PCDH7: variants seen among roughly 807,000 people sequenced by gnomAD.
PCDH7 encodes protocadherin 7.
A neutral mutation model predicts 58.9 loss-of-function variants in PCDH7; 17 were observed. The observed-to-expected ratio is 0.29, with a 90% CI of 0.20 to 0.43. The LOEUF is 0.43. Among genes scored for constraint, PCDH7 ranks in the 20% least tolerant of loss-of-function variants. PCDH7 has a pLI of 1.00. For missense variants in PCDH7, 1,274 were observed against 1,441.0 expected (o/e 0.88, Z 1.88); for synonymous variants, 664 against 616.4 (o/e 1.08, Z -1.14).
intron 1 of PCDH7, among the ~76,000 whole-genome samples, chr4:30,834,802 C>A (rs564346500): frequency 1.3e-5 from 2 of 151,854 alleles, no homozygotes; most frequent in African/African-American, 4.8e-5. Context: ...TAGATTTATA[C>A]AGCAAAATTT....
At chr4:30,908,719 G>A (rs1420596774) in intron 1 of PCDH7, among the ~76,000 whole-genome samples, 1 of 152,002 alleles carries the variant, frequency 6.6e-6, no homozygotes, top group Non-Finnish European at 1.5e-5. Context: ...AGAGGAGCTG[G>A]TACCATTTCT....
At chr4:31,039,581 C>T (rs1330813742) in intron 3 of PCDH7, among the ~76,000 whole-genome samples, 4 of 152,120 alleles carry the variant, frequency 2.6e-5, no homozygotes, top group African/African-American at 9.7e-5. Flanking sequence ...TATAGTCTTG[C>T]TGCCTCTTCT....
chr4:31,116,197 T>A (rs1172201565), intron 3 of PCDH7, among the ~76,000 whole-genome samples: 1 of 152,170 alleles, frequency 6.6e-6, no homozygotes, highest in African/African-American at 2.4e-5. Context: ...CATCTCTCAG[T>A]CTTTGTTGAG....
intron 3 of PCDH7, among the ~76,000 whole-genome samples, chr4:31,106,246 G>T (rs150711551): frequency 0.014 from 2,077 of 152,184 alleles, 18 homozygotes; most frequent in Admixed American, 0.019. Flanking sequence ...TTGTGTCTGT[G>T]CTAGGAAGAG....
At chr4:30,863,127 A>C (rs1734427142) in intron 1 of PCDH7, among the ~76,000 whole-genome samples, 1 of 152,128 alleles carries the variant, frequency 6.6e-6, no homozygotes, top group Non-Finnish European at 1.5e-5. Flanking sequence ...AGTACCACTA[A>C]GGGAAATTGG....
At chr4:30,910,821 G>C (rs1193231301) in intron 1 of PCDH7, among the ~76,000 whole-genome samples, 1 of 152,056 alleles carries the variant, frequency 6.6e-6, no homozygotes. Context: ...TATACCCAAA[G>C]GATTATAAAT....
intron 1 of PCDH7, among the ~76,000 whole-genome samples, chr4:30,906,725 A>C (rs1315975010): frequency 6.6e-6 from 1 of 152,176 alleles, no homozygotes; most frequent in African/African-American, 2.4e-5. Flanking sequence ...AAGGAATTAA[A>C]AATAAGTAGA....
chr4:31,066,318 G>A (rs190307846), intron 3 of PCDH7, among the ~76,000 whole-genome samples: 154 of 151,902 alleles, frequency 1.0e-3, no homozygotes, highest in Non-Finnish European at 1.6e-3. Flanking sequence ...TGTAATATGA[G>A]GAGTCTTATA....
chr4:30,885,779 G>C (rs1292866371), intron 1 of PCDH7, among the ~76,000 whole-genome samples: 2 of 152,020 alleles, frequency 1.3e-5, no homozygotes, highest in Non-Finnish European at 2.9e-5. Context: ...CAGAGATATA[G>C]ATCAATGGAA....
At chr4:31,115,481 C>T (rs976143689) in intron 3 of PCDH7, among the ~76,000 whole-genome samples, 1 of 152,066 alleles carries the variant, frequency 6.6e-6, no homozygotes, top group East Asian at 1.9e-4. Context: ...ATTTTCCGCT[C>T]ATTCTTTATT....
In PCDH7 at chr4:30,874,489, A is replaced by G. The variant is rs551851003; in HGVS notation, c.71-45664A>G. On this transcript the variant is annotated intron_variant, in intron 1 of 3. Transcript: ENST00000509759. ...CTCACTCATAGGTGGGAATTGAACAATGAGAACACATGGACACAGGAAGGG... is the reference window on the plus strand; with the variant it reads ...CTCACTCATAGGTGGGAATTGAACAGTGAGAACACATGGACACAGGAAGGG... 3.8e-3 allele frequency among the ~76,000 whole-genome samples: 552 copies of G among 145,352 alleles called. 6 individuals are homozygous for G. The highest frequency in any genetic ancestry group is 0.013 in the African/African-American group (529 of 40,072).
At chr4:31,083,837 A>G (rs1194509672) in intron 3 of PCDH7, among the ~76,000 whole-genome samples, 1 of 152,180 alleles carries the variant, frequency 6.6e-6, no homozygotes. Context: ...ACTGCAGCAT[A>G]TTTTACTTGT....
At position 31,035,140 on chromosome 4, in the gene PCDH7, T is replaced by C. The variant is rs536540171; in HGVS notation, c.*7+84925T>C. On this transcript the variant is annotated intron_variant, in intron 3 of 3. Transcript: ENST00000509759. ...AATCTGTGCTCTCATGGGAGAAACA[T>C]GGAGATGGCATCTCTTCCAGTAAGA... Among the ~76,000 whole-genome samples, 708 of 152,286 alleles carry C rather than the reference T, an allele frequency of 4.6e-3. 4 individuals carry two copies. The highest frequency in any genetic ancestry group is 6.1e-3 in the Non-Finnish European group (413 of 68,008).
At chr4:30,736,635 G>C (rs892869001), downstream of PCDH7, among the ~76,000 whole-genome samples, 1 of 149,622 alleles carries the variant, frequency 6.7e-6, no homozygotes, top group Non-Finnish European at 1.5e-5. Flanking sequence ...TCCCGGATTC[G>C]CGCCATTCTC....
chr4:30,936,011 A>G (rs1048504942), intron 2 of PCDH7, among the ~76,000 whole-genome samples: 18 of 152,120 alleles, frequency 1.2e-4, no homozygotes, highest in African/African-American at 4.3e-4. Flanking sequence ...CCTCTTATAA[A>G]TACACATAAA....
At chr4:30,882,096 C>T (rs1309132513) in intron 1 of PCDH7, among the ~76,000 whole-genome samples, 1 of 137,072 alleles carries the variant, frequency 7.3e-6, no homozygotes, top group African/African-American at 2.7e-5. Flanking sequence ...CCTGCTTCCT[C>T]CCCCTCCTCC....
chr4:30,736,856 A>C (rs942633746), downstream of PCDH7, among the ~76,000 whole-genome samples: 3 of 152,170 alleles, frequency 2.0e-5, no homozygotes, highest in African/African-American at 7.2e-5. Flanking sequence ...TTTTAAATGC[A>C]GGTTTTGCAT....
chr4:30,893,671 A>G (rs1738906356), intron 1 of PCDH7, among the ~76,000 whole-genome samples: 1 of 152,084 alleles, frequency 6.6e-6, no homozygotes. Flanking sequence ...GTATGTGGCA[A>G]AGACACCTAT....
At chr4:30,831,914 T>C (rs1239000687) in intron 1 of PCDH7, among the ~76,000 whole-genome samples, 2 of 152,156 alleles carry the variant, frequency 1.3e-5, no homozygotes, top group Non-Finnish European at 2.9e-5. Context: ...GCATGAATGA[T>C]TTGTATTTAA....
Sources: allele counts gnomAD v4.1 joint callset (sites outside exome capture counted in the v4.1 genomes callset), GRCh38; gene constraint gnomAD v4.1.1; transcripts MANE v1.5; gene names NCBI Gene and HGNC (gene_info 2026-07-23, HGNC 2026-07-21).